The following FRK variants were observed in gnomAD, a reference collection of about 807,000 sequenced individuals.
FRK encodes tyrosine-protein kinase FRK.
A neutral mutation model predicts 56.4 loss-of-function variants in FRK; 51 were observed. The observed-to-expected ratio is 0.90, with a 90% CI of 0.72 to 1.14. The LOEUF is 1.14. Among genes scored for constraint, FRK ranks in the 50% most tolerant of loss-of-function variants. FRK has a pLI of 0.00. For missense variants in FRK, 570 were observed against 601.4 expected, an observed-to-expected ratio of 0.95 and a Z score of 0.55; for synonymous variants, 245 against 217.9, an observed-to-expected ratio of 1.12 and a Z score of -1.10.
At chr6:116,095,910 GA>G in the FRK span, among the ~76,000 whole-genome samples, 1 of 152,184 alleles carries the variant, frequency 6.6e-6, no homozygotes, top group Admixed American at 6.5e-5. Context: ...GCATTTATAG[GA>G]AAAGGCTTCT....
chr6:115,954,243 AAGG>A (rs1772901868), intron 5 of FRK, among the ~76,000 whole-genome samples: 1 of 152,206 alleles, frequency 6.6e-6, no homozygotes. Flanking sequence ...AAGACTGAGC[AAGG>A]AGAAGTTGTA....
At chr6:115,953,286 T>G in intron 5 of FRK, among the ~76,000 whole-genome samples, 2 of 137,584 alleles carry the variant, frequency 1.5e-5, no homozygotes, top group East Asian at 2.4e-4. Flanking sequence ...GCCTCCTGGG[T>G]TCACGCCATT....
In FRK at chr6:115,933,988, A is replaced by G. The variant is rs1212758435; in HGVS notation, c.*8426T>C. The G allele has an allele frequency of 2.0e-5, 3 of 152,148 alleles. No homozygotes were observed. The highest frequency in any genetic ancestry group is 2.9e-5 in the Non-Finnish European group (2 of 68,028). 9.4% of individuals were successfully genotyped at this position (152,148 alleles called of 1,614,324 possible). ...GGAAAGTTTGGGTATATATGCACAC[A>G]TCTGCCTGGAATACACACACACACA... On this transcript the variant is annotated 3_prime_UTR_variant, in exon 8 of 8. Transcript: ENST00000606080.
chr6:116,018,301 T>C (rs1775728600), intron 1 of FRK, among the ~76,000 whole-genome samples: 1 of 152,184 alleles, frequency 6.6e-6, no homozygotes. Context: ...ATCTATTCCA[T>C]GTCTTTATTC....
intron 1 of FRK, among the ~76,000 whole-genome samples, chr6:116,027,878 C>T (rs6918059): frequency 0.37 from 56,681 of 151,206 alleles, 11,008 homozygotes; most frequent in Middle Eastern, 0.49. Context: ...ACAGGACAGT[C>T]AGAGATGCTG....
the FRK span, among the ~76,000 whole-genome samples, chr6:116,098,610 G>A: frequency 1.3e-5 from 2 of 152,314 alleles, no homozygotes; most frequent in Admixed American, 1.3e-4. Flanking sequence ...ACACATGAAT[G>A]AGTGGGGGAC....
At chr6:115,945,951 G>T (rs533133479) in intron 5 of FRK, among the ~76,000 whole-genome samples, 8 of 152,018 alleles carry the variant, frequency 5.3e-5, no homozygotes, top group Non-Finnish European at 1.0e-4. Context: ...ATTTGTATTT[G>T]TATTTGACTT....
chr6:116,008,516 A>G (rs575766134), intron 1 of FRK, among the ~76,000 whole-genome samples: 9 of 152,348 alleles, frequency 5.9e-5, no homozygotes, highest in Non-Finnish European at 1.2e-4. Context: ...TTCATACTCA[A>G]AGGTGATGCA....
intron 5 of FRK, 136 bp from the exon 6 acceptor site, chr6:115,944,561 ATATT>A (rs1772344906): frequency 1.7e-6 from 1 of 583,470 alleles, no homozygotes; most frequent in African/African-American, 1.9e-5. Context: ...CAAAATATAT[ATATT>A]TATCATTAAT....
intron 1 of FRK, among the ~76,000 whole-genome samples, chr6:116,053,310 A>G (rs1238105473): frequency 6.6e-6 from 1 of 152,174 alleles, no homozygotes; most frequent in Admixed American, 6.5e-5. Context: ...GAAAATCTGA[A>G]GGGAATTTTC....
At chr6:116,076,698 A>C in the FRK span, among the ~76,000 whole-genome samples, 18 of 152,226 alleles carry the variant, frequency 1.2e-4, no homozygotes, top group Admixed American at 2.6e-4. Flanking sequence ...ACCAATTCTC[A>C]TGTGTTTTTC....
chr6:115,968,729 T>A lies in FRK; in HGVS notation c.477A>T (p.Gly159=). ...KGEFSLSVLD[G]AVVKHYRIKR... ...TAATTCTGTAGTGTTTTACAACTGC[T>A]CCATCTAAAACTGGAACCCAAAATA... Residue 159 remains glycine, a synonymous_variant, in exon 3 of 8, where the codon GGA becomes GGT. Transcript: ENST00000606080. 1 of 1,612,672 alleles carries A rather than the reference T, an allele frequency of 6.2e-7. No homozygotes were observed. The highest frequency in any genetic ancestry group is 1.1e-5 in the South Asian group (1 of 90,636).
chr6:116,077,783 T>C, the FRK span, among the ~76,000 whole-genome samples: 1 of 152,214 alleles, frequency 6.6e-6, no homozygotes, highest in African/African-American at 2.4e-5. Flanking sequence ...GACTCCTTTA[T>C]TTGTTCCAAC....
At chr6:116,036,448 A>T (rs1265710847) in intron 1 of FRK, among the ~76,000 whole-genome samples, 1 of 152,206 alleles carries the variant, frequency 6.6e-6, no homozygotes, top group African/African-American at 2.4e-5. Flanking sequence ...ATAATGTTAC[A>T]TTGATAACAG....
chr6:116,002,958 C>T (rs73770694), intron 2 of FRK, among the ~76,000 whole-genome samples: 15,162 of 152,208 alleles, frequency 0.1, 878 homozygotes, highest in African/African-American at 0.16. Flanking sequence ...TTATGGCCTG[C>T]TTTCATGCGG....
At chr6:116,007,652 C>T (rs1384593560) in intron 1 of FRK, among the ~76,000 whole-genome samples, 3 of 152,198 alleles carry the variant, frequency 2.0e-5, no homozygotes, top group Non-Finnish European at 2.9e-5. Context: ...TATACCAAAG[C>T]GGTTTTTGTC....
chr6:115,943,489 C>CAAAAAAAAA, intron 6 of FRK, among the ~76,000 whole-genome samples: 1 of 59,552 alleles, frequency 1.7e-5, no homozygotes, highest in Non-Finnish European at 3.7e-5. Context: ...TGGTCTTGAG[C>CAAAAAAAAA]AAAAAAAAAA....
intron 2 of FRK, among the ~76,000 whole-genome samples, chr6:115,978,946 G>A (rs1005916746): frequency 7.9e-5 from 12 of 151,874 alleles, no homozygotes; most frequent in African/African-American, 2.4e-4. Context: ...CCAGCTACTC[G>A]GGAGGATGAA....
intron 4 of FRK, among the ~76,000 whole-genome samples, chr6:115,967,342 T>A (rs1773619980): frequency 6.6e-6 from 1 of 152,154 alleles, no homozygotes; most frequent in South Asian, 2.1e-4. Flanking sequence ...ATCAGCGATA[T>A]TTTAAGACTC....
Sources: allele counts gnomAD v4.1 joint callset (sites outside exome capture counted in the v4.1 genomes callset), GRCh38; gene constraint gnomAD v4.1.1; transcripts MANE v1.5; gene names NCBI Gene and HGNC (gene_info 2026-07-23, HGNC 2026-07-21).